The following CTNNA1 variants were observed in gnomAD, a reference collection of about 807,000 sequenced individuals.
CTNNA1 encodes the protein catenin alpha 1, also known as catenin alpha-1.
In CTNNA1, 37 loss-of-function variants were observed where a neutral mutation model predicts 98.4. That is an observed-to-expected ratio of 0.38 (90% CI 0.29 to 0.49). The LOEUF is 0.49. CTNNA1 is among the 20% of genes least tolerant of loss of function. The pLI is 0.95. For synonymous variants in CTNNA1, 404 were observed against 413.2 expected, an observed-to-expected ratio of 0.98 and a Z score of 0.27; for missense variants, 761 against 1,147.2, an observed-to-expected ratio of 0.66 and a Z score of 4.86.
At chr5:138,879,274 A>G (rs1752377229) in intron 7 of CTNNA1, among the ~76,000 whole-genome samples, 1 of 151,426 alleles carries the variant, frequency 6.6e-6, no homozygotes, top group Non-Finnish European at 1.5e-5. Context: ...GTTAACTGGC[A>G]ACCACATACT....
chr5:138,906,936 C>T (rs1318216066), intron 10 of CTNNA1, among the ~76,000 whole-genome samples: 4 of 152,172 alleles, frequency 2.6e-5, no homozygotes, highest in Non-Finnish European at 5.9e-5. Context: ...GCATCATGTG[C>T]TTGATTTTCA....
chr5:138,925,062 T>A (rs1309891513), intron 12 of CTNNA1, among the ~76,000 whole-genome samples, 194 bp from the exon 13 acceptor site: 1 of 152,214 alleles, frequency 6.6e-6, no homozygotes, highest in Non-Finnish European at 1.5e-5. Flanking sequence ...CAATCTCTGT[T>A]GCAGAGAAAA....
intron 10 of CTNNA1, among the ~76,000 whole-genome samples, chr5:138,909,939 TCATGGGAC>T (rs1284353196): frequency 6.6e-6 from 1 of 152,238 alleles, no homozygotes; most frequent in African/African-American, 2.4e-5. Context: ...TATTTCACAA[TCATGGGAC>T]CATCTGTCTT....
chr5:138,757,093 G>T (rs1345509205), intron 1 of CTNNA1, among the ~76,000 whole-genome samples: 1 of 152,026 alleles, frequency 6.6e-6, no homozygotes, highest in Admixed American at 6.6e-5. Flanking sequence ...TACTCAGGAG[G>T]CTGAGGTGGT....
intron 5 of CTNNA1, among the ~76,000 whole-genome samples, chr5:138,818,169 G>A (rs780703478): frequency 1.4e-5 from 2 of 142,156 alleles, no homozygotes; most frequent in African/African-American, 2.6e-5. Flanking sequence ...TTGCTCTGTC[G>A]CCCAGGCCAG....
intron 8 of CTNNA1, 81 bp downstream of exon 8, chr5:138,886,373 T>G: frequency 1.5e-6 from 2 of 1,353,584 alleles, no homozygotes; most frequent in Non-Finnish European, 1.0e-6. Context: ...AGCACTGGCC[T>G]TATATTTTTT....
At chr5:138,884,538 G>A (rs1403227743) in intron 7 of CTNNA1, among the ~76,000 whole-genome samples, 1 of 152,172 alleles carries the variant, frequency 6.6e-6, no homozygotes, top group Non-Finnish European at 1.5e-5. Context: ...AATACATTTT[G>A]GGGTAAAATA....
At chr5:138,780,888 CCTTTT>C (rs1755016404) in intron 1 of CTNNA1, among the ~76,000 whole-genome samples, 2 of 152,246 alleles carry the variant, frequency 1.3e-5, no homozygotes, top group African/African-American at 2.4e-5. Flanking sequence ...CAGCTTCATG[CCTTTT>C]CTTTTCTTTT....
rs367913042 is a variant in CTNNA1 at position 138,932,688 on chromosome 5, C to T, written c.2409C>T (p.Leu803=). 9.3e-6 allele frequency: 15 copies of T among 1,614,018 alleles called. No individual in the cohort carries two copies. The East Asian group carries it at 1.6e-4, about 17-fold the overall frequency. ...CSKVKAEVQN[L]GGELVVSGVD... is the part of the protein sequence containing the mutation. ...AGGTCAAGGCCGAGGTGCAGAATCT[C>T]GGCGGGGAGCTTGTTGTCTCTGGGG... The change falls in exon 17 of 18, where the codon CTC becomes CTT. Residue 803 remains leucine, a synonymous_variant. Transcript: ENST00000302763.
At chr5:138,893,977 G>T (rs1277953369) in intron 9 of CTNNA1, among the ~76,000 whole-genome samples, 2 of 151,852 alleles carry the variant, frequency 1.3e-5, no homozygotes, top group Admixed American at 6.6e-5. Flanking sequence ...GAGTGCAGTG[G>T]CATGATCTCT....
At chr5:138,832,060 C>A (rs1761326035) in intron 7 of CTNNA1, among the ~76,000 whole-genome samples, 1 of 152,086 alleles carries the variant, frequency 6.6e-6, no homozygotes, top group Non-Finnish European at 1.5e-5. Context: ...AAAATTAAAC[C>A]AAATACTCTG....
intron 3 of CTNNA1, among the ~76,000 whole-genome samples, chr5:138,792,624 T>C (rs754881415): frequency 1.2e-4 from 19 of 152,174 alleles, no homozygotes; most frequent in Non-Finnish European, 2.1e-4. Flanking sequence ...AGATTGCATT[T>C]TAATTTGTCT....
intron 7 of CTNNA1, chr5:138,875,857 C>A: frequency 2.4e-6 from 1 of 422,708 alleles, no homozygotes; most frequent in Non-Finnish European, 3.2e-6. Context: ...GCTAAGTGGG[C>A]TTGGCTTGTT....
intron 7 of CTNNA1, chr5:138,871,349 C>T (rs943469660): frequency 6.6e-5 from 10 of 152,078 alleles, no homozygotes; most frequent in African/African-American, 2.4e-4. Context: ...ACAGTTTTTT[C>T]AATATGTGGA....
intron 1 of CTNNA1, among the ~76,000 whole-genome samples, chr5:138,776,577 G>T (rs543188910): frequency 6.6e-5 from 10 of 152,192 alleles, no homozygotes; most frequent in Non-Finnish European, 1.3e-4. Context: ...CCCAGACGGG[G>T]TGGTGGCCGA....
rs1048916485 is a variant in CTNNA1, at chr5:138,823,616, C to T, written c.589-914C>T. 2.0e-5 allele frequency among the ~76,000 whole-genome samples: 3 copies of T among 152,276 alleles called. No individual in the cohort carries two copies. In the South Asian group the frequency reaches 6.2e-4, roughly 32 times the overall value. ...TCCTCACCTATTTATGTAGTTCATACATACCTGTGGCATCCTGTCCCAAAT... is the reference window on the plus strand; with the variant it reads ...TCCTCACCTATTTATGTAGTTCATATATACCTGTGGCATCCTGTCCCAAAT... On this transcript the variant is annotated intron_variant, in intron 5 of 17. Transcript: ENST00000302763.
At chr5:138,802,579 AATTCTCTGTGATTAATCTCTGATT>A (rs1757695674) in intron 3 of CTNNA1, among the ~76,000 whole-genome samples, 1 of 152,150 alleles carries the variant, frequency 6.6e-6, no homozygotes, top group Non-Finnish European at 1.5e-5. Flanking sequence ...GGAGAATCAT[AATTCTCTGTGATTAATCTCTGATT>A]AAGATCAGGT....
At chr5:138,857,200 T>C (rs902680870) in intron 7 of CTNNA1, among the ~76,000 whole-genome samples, 4 of 152,200 alleles carry the variant, frequency 2.6e-5, no homozygotes, top group Admixed American at 6.5e-5. Context: ...ATTGCCAGAA[T>C]ACATCTCTCT....
chr5:138,805,911 T>A (rs968721370), intron 3 of CTNNA1, among the ~76,000 whole-genome samples: 1 of 152,084 alleles, frequency 6.6e-6, no homozygotes, highest in Admixed American at 6.6e-5. Context: ...ATGTCAAACT[T>A]ACCTGTTTTT....
Sources: gnomAD v4.1 joint callset for allele counts (sites outside exome capture counted in the v4.1 genomes callset) on GRCh38, gnomAD v4.1.1 for gene constraint, MANE v1.5 for transcripts, NCBI Gene and HGNC (gene_info 2026-07-23, HGNC 2026-07-21) for gene names.